Variants in MALRD1 observed in about 807,000 individuals in gnomAD.
MALRD1 encodes the protein MAM and LDL-receptor class A domain-containing protein 1.
In MALRD1, 247 loss-of-function variants were observed where a neutral mutation model predicts 242.1. That is an observed-to-expected ratio of 1.02 (90% CI 0.92 to 1.13). The LOEUF (loss-of-function observed/expected upper bound fraction) is 1.13. MALRD1 is among the 50% of genes most tolerant of loss of function. The pLI is 0.00. For missense variants in MALRD1, 2,989 were observed against 2,533.1 expected (o/e 1.18, Z -3.86); for synonymous variants, 995 against 866.6 (o/e 1.15, Z -2.60).
rs76610851 is a variant in MALRD1, at chr10:19,627,050, G to A, written c.6137+11127G>A. On this transcript the variant is annotated intron_variant, in intron 36 of 39. Coordinates refer to ENST00000454679, the MANE Select transcript of MALRD1 (RefSeq NM_001142308.3). ...ATAAAAAGTCTACAAATAGCTTAAC[G>A]TGGTTACCTAAAATTAGTATAAAAT... Among the ~76,000 whole-genome samples, 47 of 152,162 alleles carry A rather than the reference G, an allele frequency of 3.1e-4. 2 individuals carry two copies. The East Asian group carries it at 7.0e-3, about 23-fold the overall frequency.
chr10:19,272,908 C>T (rs879221228), intron 19 of MALRD1, among the ~76,000 whole-genome samples: 1 of 152,156 alleles, frequency 6.6e-6, no homozygotes, highest in Non-Finnish European at 1.5e-5. Flanking sequence ...ATATGTGCCA[C>T]ATTTTCTTTA....
intron 21 of MALRD1, among the ~76,000 whole-genome samples, chr10:19,303,605 A>G (rs183499061): frequency 6.6e-6 from 1 of 151,822 alleles, no homozygotes; most frequent in Non-Finnish European, 1.5e-5. Context: ...GTAATTTTAA[A>G]TTTTCTAGTA....
intron 26 of MALRD1, among the ~76,000 whole-genome samples, chr10:19,373,741 G>A (rs1186422628): frequency 6.6e-6 from 1 of 152,130 alleles, no homozygotes; most frequent in East Asian, 1.9e-4. Flanking sequence ...AGACATAACA[G>A]TGTTTTTCTA....
chr10:19,253,953 T>G (rs959156999), intron 18 of MALRD1, among the ~76,000 whole-genome samples: 1 of 151,946 alleles, frequency 6.6e-6, no homozygotes, highest in Non-Finnish European at 1.5e-5. Context: ...CAAAATCTGA[T>G]GGTTTTATAA....
At chr10:19,624,280 C>A (rs1025117255) in intron 36 of MALRD1, among the ~76,000 whole-genome samples, 3 of 152,108 alleles carry the variant, frequency 2.0e-5, no homozygotes, top group Admixed American at 6.6e-5. Flanking sequence ...GATGAATAAT[C>A]TGTTATATGA....
At chr10:19,356,708 A>C (rs1347592297) in intron 26 of MALRD1, among the ~76,000 whole-genome samples, 2 of 151,952 alleles carry the variant, frequency 1.3e-5, no homozygotes, top group African/African-American at 4.8e-5. Flanking sequence ...TAAAATCAGC[A>C]CTCTAGGGCA....
chr10:19,692,441 T>G lies in MALRD1; in HGVS notation c.6218-17T>G, dbSNP rs1365612136. On this transcript the variant is annotated splice_polypyrimidine_tract_variant and intron_variant, in intron 37 of 39. Transcript: ENST00000454679. Reference sequence around the variant, plus strand: ...TTTCACTGCATATTTATCTTTTTCTTTGGTTTAAAATTCCAGATACATGGA... The same window carrying G: ...TTTCACTGCATATTTATCTTTTTCTGTGGTTTAAAATTCCAGATACATGGA... 7 of 1,534,270 alleles carry G rather than the reference T, an allele frequency of 4.6e-6. No homozygotes were observed. In the African/African-American group the frequency reaches 9.6e-5, roughly 21 times the overall value.
intron 36 of MALRD1, among the ~76,000 whole-genome samples, chr10:19,658,826 C>G (rs545965124): frequency 6.6e-6 from 1 of 152,134 alleles, no homozygotes; most frequent in Non-Finnish European, 1.5e-5. Flanking sequence ...AAACCACGCT[C>G]GGTCTCTCTT....
chr10:19,595,131 C>T (rs1322849064), intron 33 of MALRD1, 63 bp from the exon 34 acceptor site: 4 of 1,459,206 alleles, frequency 2.7e-6, no homozygotes, highest in African/African-American at 2.8e-5. Context: ...CCTGTAATGT[C>T]CCAACACTGG....
chr10:19,393,364 C>CATGAAATT (rs2130827515), intron 28 of MALRD1, among the ~76,000 whole-genome samples: 1 of 151,184 alleles, frequency 6.6e-6, no homozygotes, highest in African/African-American at 2.4e-5. Flanking sequence ...GGTTTTACAA[C>CATGAAATT]ATGAAATTAA....
chr10:19,091,426 G>A (rs1341132480), intron 4 of MALRD1, among the ~76,000 whole-genome samples: 1 of 36,292 alleles, frequency 2.8e-5, no homozygotes, highest in Non-Finnish European at 4.9e-5. Flanking sequence ...CTGTGGGATC[G>A]ATGGTGATAT....
At chr10:19,706,685 GTC>G (rs1425223802) in intron 38 of MALRD1, among the ~76,000 whole-genome samples, 1 of 152,020 alleles carries the variant, frequency 6.6e-6, no homozygotes, top group East Asian at 1.9e-4. Flanking sequence ...GCCGAGTGTT[GTC>G]TCCTGTCTCC....
At chr10:19,436,771 A>T (rs1241780532) in intron 28 of MALRD1, among the ~76,000 whole-genome samples, 1 of 152,152 alleles carries the variant, frequency 6.6e-6, no homozygotes, top group Non-Finnish European at 1.5e-5. Context: ...CTCCTAAATG[A>T]TCTTTTTAAA....
chr10:19,353,475 A>G (rs970197779), intron 26 of MALRD1, among the ~76,000 whole-genome samples: 1 of 152,204 alleles, frequency 6.6e-6, no homozygotes, highest in East Asian at 1.9e-4. Context: ...CAGTGTTGCC[A>G]CTTCTGCCTT....
intron 29 of MALRD1, among the ~76,000 whole-genome samples, chr10:19,471,110 G>A (rs1836468420): frequency 6.6e-6 from 1 of 151,614 alleles, no homozygotes; most frequent in South Asian, 2.1e-4. Flanking sequence ...TGATTTTTTT[G>A]TTTGTAAGAT....
At position 19,264,094 on chromosome 10, in the gene MALRD1, A is replaced by G. The variant is rs534321830; in HGVS notation, c.3079+6323A>G. Among the ~76,000 whole-genome samples, 12 of 152,284 alleles carry G rather than the reference A, an allele frequency of 7.9e-5. No individual in the cohort carries two copies. The East Asian group carries it at 1.5e-3, about 20-fold the overall frequency. On this transcript the variant is annotated intron_variant, in intron 19 of 39. Coordinates refer to ENST00000454679, the MANE Select transcript of MALRD1 (RefSeq NM_001142308.3). The stretch of plus-strand genomic sequence containing the variant: ...AAAGTTTTAAGACTGTTACTGTATT[A>G]GGGAGCATTTCTTCTATTCCTAATT...
At chr10:19,658,478 G>A (rs1312657666) in intron 36 of MALRD1, among the ~76,000 whole-genome samples, 3 of 151,910 alleles carry the variant, frequency 2.0e-5, no homozygotes, top group Non-Finnish European at 4.4e-5. Context: ...GTAGTCTAGT[G>A]GTTAGGAAAA....
intron 36 of MALRD1, among the ~76,000 whole-genome samples, chr10:19,627,037 C>G (rs1839684539): frequency 6.6e-6 from 1 of 151,960 alleles, no homozygotes; most frequent in African/African-American, 2.4e-5. Flanking sequence ...AAAAAGTCTA[C>G]AAATAGCTTA....
chr10:19,406,544 C>T (rs767263585), intron 28 of MALRD1, among the ~76,000 whole-genome samples: 93 of 152,138 alleles, frequency 6.1e-4, no homozygotes, highest in Non-Finnish European at 1.0e-4. Flanking sequence ...TGTTTGCCTC[C>T]GGTAACCTGG....
Sources: gnomAD v4.1 joint callset for allele counts (sites outside exome capture counted in the v4.1 genomes callset) on GRCh38, gnomAD v4.1.1 for gene constraint, MANE v1.5 for transcripts, NCBI Gene and HGNC (gene_info 2026-07-23, HGNC 2026-07-21) for gene names.